CNTLN: variants seen among roughly 807,000 people sequenced by gnomAD.
CNTLN encodes the protein centlein, centrosomal protein.
CNTLN carries 212 observed loss-of-function variants against 180.0 expected under a neutral mutation model. The observed-to-expected ratio is 1.18, with a 90% CI of 1.05 to 1.32. The LOEUF is 1.32. Among genes scored for constraint, CNTLN ranks in the 40% most tolerant of loss-of-function variants. CNTLN has a pLI of 0.00. For synonymous variants in CNTLN, 722 were observed against 563.1 expected, an observed-to-expected ratio of 1.28 and a Z score of -3.99; for missense variants, 2,095 against 1,610.9, an observed-to-expected ratio of 1.30 and a Z score of -5.14.
At chr9:17,485,793 T>G (rs1193413654) in intron 24 of CNTLN, among the ~76,000 whole-genome samples, 1 of 152,046 alleles carries the variant, frequency 6.6e-6, no homozygotes, top group African/African-American at 2.4e-5. Context: ...TGAGACCAAG[T>G]AATCTCTAAA....
intron 23 of CNTLN, among the ~76,000 whole-genome samples, chr9:17,476,225 A>G (rs1478887246): frequency 6.6e-6 from 1 of 152,128 alleles, no homozygotes; most frequent in Non-Finnish European, 1.5e-5. Flanking sequence ...AAATTGATAG[A>G]TAAATATTAT....
intron 18 of CNTLN, among the ~76,000 whole-genome samples, chr9:17,427,466 A>G (rs997425889): frequency 6.6e-6 from 1 of 152,110 alleles, no homozygotes; most frequent in African/African-American, 2.4e-5. Context: ...TGAACAAAAT[A>G]TTTAAAATTT....
At chr9:17,370,156 CAG>C (rs1212787989) in intron 13 of CNTLN, among the ~76,000 whole-genome samples, 2 of 151,982 alleles carry the variant, frequency 1.3e-5, no homozygotes, top group African/African-American at 2.4e-5. Context: ...GGGAAAATAA[CAG>C]AGAACTTTTC....
rs1335935509 is a variant in CNTLN at position 17,325,992 on chromosome 9, A to ATATT, written c.1342-4637_1342-4634dup. On this transcript the variant is annotated intron_variant, in intron 8 of 25. Coordinates refer to ENST00000380647, the MANE Select transcript of CNTLN (RefSeq NM_017738.4). Reference sequence around the variant, plus strand: ...CTTGGATTTAATGCAACATGACTATATATTTAAGTTGTATAATTTAAAAAA... The same window carrying ATATT: ...CTTGGATTTAATGCAACATGACTATATATTTATTTAAGTTGTATAATTTAAAAAA... Among the ~76,000 whole-genome samples the ATATT allele has an allele frequency of 2.0e-5, 3 of 152,248 alleles. No homozygotes were observed. In the East Asian group the frequency reaches 5.8e-4, roughly 29 times the overall value.
At chr9:17,521,265 A>AAGAGAGAGAGGGAG in the CNTLN span, among the ~76,000 whole-genome samples, 42 of 118,608 alleles carry the variant, frequency 3.5e-4, no homozygotes, top group Non-Finnish European at 6.4e-4. Context: ...AAGGGAGAAA[A>AAGAGAGAGAGGGAG]AGAGAGAGAG....
chr9:17,474,621 C>T (rs943451779), intron 23 of CNTLN, among the ~76,000 whole-genome samples: 3 of 152,156 alleles, frequency 2.0e-5, no homozygotes, highest in Non-Finnish European at 4.4e-5. Context: ...GTAATCCCAG[C>T]ACTTTGGGAG....
At chr9:17,227,786 T>C (rs116346251) in intron 3 of CNTLN, among the ~76,000 whole-genome samples, 1,855 of 152,224 alleles carry the variant, frequency 0.012, 43 homozygotes, top group African/African-American at 0.042. Flanking sequence ...GAAAATGTCA[T>C]AATTGGTACT....
intron 19 of CNTLN, among the ~76,000 whole-genome samples, chr9:17,460,267 C>G (rs1431905467): frequency 2.0e-5 from 3 of 151,644 alleles, no homozygotes; most frequent in Non-Finnish European, 3.0e-5. Context: ...GTCCATGCTC[C>G]TAATTACTAT....
intron 6 of CNTLN, among the ~76,000 whole-genome samples, chr9:17,283,505 A>G (rs952116818): frequency 6.6e-6 from 1 of 152,054 alleles, no homozygotes; most frequent in African/African-American, 2.4e-5. Flanking sequence ...GGCTGTGATG[A>G]TGGGGTTTTC....
intron 7 of CNTLN, chr9:17,298,656 T>G (rs536291639): frequency 2.9e-6 from 3 of 1,028,632 alleles, no homozygotes; most frequent in Non-Finnish European, 1.2e-6. Flanking sequence ...GTCTCAAAAC[T>G]GGAATGGAAT....
intron 3 of CNTLN, among the ~76,000 whole-genome samples, chr9:17,231,509 A>C (rs1054561975): frequency 2.0e-5 from 3 of 152,114 alleles, no homozygotes; most frequent in African/African-American, 7.2e-5. Flanking sequence ...CTTTGATAGC[A>C]TGACTTATGA....
chr9:17,270,091 G>C (rs1341556154), intron 5 of CNTLN, among the ~76,000 whole-genome samples: 1 of 151,716 alleles, frequency 6.6e-6, no homozygotes, highest in African/African-American at 2.4e-5. Flanking sequence ...AATAAGAATG[G>C]TTTACTCTTT....
chr9:17,152,316 T>C (rs987899396), intron 2 of CNTLN, among the ~76,000 whole-genome samples: 3 of 152,190 alleles, frequency 2.0e-5, no homozygotes, highest in Admixed American at 2.0e-4. Flanking sequence ...AAATTCCCCC[T>C]AAACACTGCT....
rs533701609 is a variant in CNTLN at position 17,188,710 on chromosome 9, A to G, written c.450-37493A>G. 1.1e-3 allele frequency among the ~76,000 whole-genome samples: 173 copies of G among 152,280 alleles called. 2 individuals are homozygous for G. The highest frequency in any genetic ancestry group is 4.0e-3 in the African/African-American group (165 of 41,580). ...TCATCCCTTCTAGTATATGTTTCATATAAGATTCTATATTTTTCACATCTA... is the reference window on the plus strand; with the variant it reads ...TCATCCCTTCTAGTATATGTTTCATGTAAGATTCTATATTTTTCACATCTA... On this transcript the variant is annotated intron_variant, in intron 2 of 25. Coordinates refer to ENST00000380647, the MANE Select transcript of CNTLN (RefSeq NM_017738.4).
chr9:17,486,940 A>G, intron 24 of CNTLN, 49 bp from the exon 25 acceptor site: 2 of 869,212 alleles, frequency 2.3e-6, no homozygotes, highest in Non-Finnish European at 3.7e-6. Flanking sequence ...AGTATAAACA[A>G]GTTCATATAA....
intron 12 of CNTLN, among the ~76,000 whole-genome samples, chr9:17,356,959 C>T (rs990764389): frequency 1.3e-5 from 2 of 152,170 alleles, no homozygotes; most frequent in South Asian, 4.1e-4. Context: ...TTAGCCTACA[C>T]TGTAGGTGAG....
intron 18 of CNTLN, among the ~76,000 whole-genome samples, chr9:17,419,139 C>T (rs1464849135): frequency 2.0e-5 from 3 of 151,944 alleles, no homozygotes; most frequent in Non-Finnish European, 1.5e-5. Context: ...GTTTTTTTTA[C>T]ATTTTGCCTA....
In CNTLN at chr9:17,486,445, G is replaced by A. The variant is rs543169679; in HGVS notation, c.4042-544G>A. Among the ~76,000 whole-genome samples the A allele has an allele frequency of 7.2e-5, 11 of 152,186 alleles. No individual in the cohort carries two copies. The South Asian group carries it at 1.7e-3, about 23-fold the overall frequency. On this transcript the variant is annotated intron_variant, in intron 24 of 25. Transcript: ENST00000380647. ...AATATTCTGTCATGATAATTGATGG[G>A]TTGAAAATACTTTGTGACCTATAGC...
chr9:17,467,900 A>C, intron 23 of CNTLN, among the ~76,000 whole-genome samples: 1 of 151,746 alleles, frequency 6.6e-6, no homozygotes, highest in East Asian at 1.9e-4. Flanking sequence ...GTACATAACC[A>C]AAATAATATA....
Sources: allele counts gnomAD v4.1 joint callset (sites outside exome capture counted in the v4.1 genomes callset), GRCh38; gene constraint gnomAD v4.1.1; transcripts MANE v1.5; gene names NCBI Gene and HGNC (gene_info 2026-07-23, HGNC 2026-07-21).